ZNF385D: variants seen among roughly 807,000 people sequenced by gnomAD.
ZNF385D encodes zinc finger protein 385D.
A neutral mutation model predicts 35.8 loss-of-function variants in ZNF385D; 15 were observed. The observed-to-expected ratio is 0.42, with a 90% CI of 0.28 to 0.64. The LOEUF (loss-of-function observed/expected upper bound fraction) is 0.64, where lower values mean the gene tolerates loss of function less well. Among genes scored for constraint, ZNF385D ranks in the 30% least tolerant of loss-of-function variants. ZNF385D has a pLI of 0.23. For synonymous variants in ZNF385D, 212 were observed against 186.8 expected (o/e 1.13, Z -1.10); for missense variants, 474 against 494.6 (o/e 0.96, Z 0.39).
chr3:22,123,071 A>G (rs114074247), intron 3 of ZNF385D, among the ~76,000 whole-genome samples: 2,701 of 152,298 alleles, frequency 0.018, 66 homozygotes, highest in African/African-American at 0.061. Flanking sequence ...GAAGAATAGC[A>G]TCTGACATCT....
intron 2 of ZNF385D, among the ~76,000 whole-genome samples, chr3:22,317,281 A>C (rs4321546): frequency 0.011 from 200 of 18,472 alleles, 1 homozygote; most frequent in Admixed American, 0.016. Flanking sequence ...CTCCATCTCC[A>C]AAAAAAAAAA....
intron 3 of ZNF385D, among the ~76,000 whole-genome samples, chr3:21,815,862 GCAGAGA>G (rs765941791): frequency 9.9e-5 from 15 of 152,200 alleles, no homozygotes; most frequent in Middle Eastern, 3.4e-3. Flanking sequence ...CCAACGCCTG[GCAGAGA>G]CACAACAAAA....
intron 3 of ZNF385D, among the ~76,000 whole-genome samples, chr3:21,908,930 T>C (rs746950908): frequency 1.3e-5 from 2 of 152,122 alleles, no homozygotes; most frequent in Non-Finnish European, 1.5e-5. Flanking sequence ...GTGTTAGCTC[T>C]ATTTTACCTA....
At chr3:22,025,090 G>A (rs1163395899) in intron 3 of ZNF385D, among the ~76,000 whole-genome samples, 2 of 152,118 alleles carry the variant, frequency 1.3e-5, no homozygotes, top group African/African-American at 2.4e-5. Flanking sequence ...ACATGTGGGA[G>A]GACCCTGATG....
chr3:21,832,992 T>G (rs1054180732), intron 3 of ZNF385D, among the ~76,000 whole-genome samples: 1 of 152,196 alleles, frequency 6.6e-6, no homozygotes, highest in Non-Finnish European at 1.5e-5. Flanking sequence ...ACTATGCTCT[T>G]CACCCACAGC....
chr3:21,665,126 A>C (rs780259081), intron 1 of ZNF385D, 98 bp from the exon 2 acceptor site: 249 of 1,415,778 alleles, frequency 1.8e-4, no homozygotes, highest in Non-Finnish European at 2.1e-4. Context: ...TTTGTGGGTC[A>C]CTGGAAAAAA....
chr3:21,522,510 T>C (rs1226557534), intron 3 of ZNF385D, among the ~76,000 whole-genome samples: 1 of 152,140 alleles, frequency 6.6e-6, no homozygotes, highest in African/African-American at 2.4e-5. Context: ...CAGCTAATTA[T>C]TGTATTTTTA....
intron 4 of ZNF385D, among the ~76,000 whole-genome samples, chr3:21,461,044 G>C (rs935009103): frequency 1.6e-4 from 24 of 152,076 alleles, no homozygotes; most frequent in Non-Finnish European, 2.9e-5. Context: ...TGAGAGACTT[G>C]AATTAATTCA....
intron 1 of ZNF385D, among the ~76,000 whole-genome samples, chr3:21,688,666 A>G (rs2067185488): frequency 6.6e-6 from 1 of 152,200 alleles, no homozygotes; most frequent in African/African-American, 2.4e-5. Flanking sequence ...GAATTCTTCC[A>G]TAAACTATTG....
At chr3:21,709,744 G>C (rs2068033601) in intron 1 of ZNF385D, among the ~76,000 whole-genome samples, 1 of 152,136 alleles carries the variant, frequency 6.6e-6, no homozygotes, top group Non-Finnish European at 1.5e-5. Flanking sequence ...TAGTTTTCCA[G>C]TTTTGTATAA....
At chr3:21,689,921 T>G (rs758848952) in intron 1 of ZNF385D, among the ~76,000 whole-genome samples, 7 of 149,346 alleles carry the variant, frequency 4.7e-5, no homozygotes, top group Non-Finnish European at 1.0e-4. Flanking sequence ...TAGTTGCCAA[T>G]GAGAAATATA....
intron 1 of ZNF385D, among the ~76,000 whole-genome samples, chr3:21,694,145 G>A (rs2067388343): frequency 1.4e-5 from 2 of 147,708 alleles, no homozygotes; most frequent in South Asian, 4.3e-4. Flanking sequence ...CCGGGTTCAA[G>A]CCATTCTCCT....
intron 4 of ZNF385D, among the ~76,000 whole-genome samples, chr3:21,509,990 C>T (rs1305260175): frequency 6.6e-6 from 1 of 152,144 alleles, no homozygotes; most frequent in Non-Finnish European, 1.5e-5. Context: ...TCCAGAAGAT[C>T]CTCTTTCAGT....
intron 4 of ZNF385D, among the ~76,000 whole-genome samples, chr3:21,478,095 C>T (rs896218390): frequency 5.3e-5 from 8 of 151,940 alleles, no homozygotes; most frequent in African/African-American, 1.9e-4. Context: ...GAAAGTAGTG[C>T]AAAAATTCAA....
chr3:21,795,472 G>T (rs73142835), intron 3 of ZNF385D, among the ~76,000 whole-genome samples: 2 of 152,220 alleles, frequency 1.3e-5, no homozygotes, highest in Admixed American at 6.5e-5. Flanking sequence ...GAAAAGCTGG[G>T]TCTAAAAATA....
At chr3:22,129,727 G>A (rs956908202) in intron 3 of ZNF385D, among the ~76,000 whole-genome samples, 4 of 152,062 alleles carry the variant, frequency 2.6e-5, no homozygotes, top group African/African-American at 9.7e-5. Context: ...CAGGGTAACA[G>A]GCTTCCTTCT....
At chr3:21,686,678 T>TA (rs2067115824) in intron 1 of ZNF385D, among the ~76,000 whole-genome samples, 1 of 152,206 alleles carries the variant, frequency 6.6e-6, no homozygotes, top group Non-Finnish European at 1.5e-5. Flanking sequence ...CTGGACTAGC[T>TA]AATTTTAAGT....
intron 2 of ZNF385D, among the ~76,000 whole-genome samples, chr3:22,344,471 C>A (rs1695564616): frequency 6.6e-6 from 1 of 152,274 alleles, no homozygotes; most frequent in African/African-American, 2.4e-5. Flanking sequence ...CTCACAGCAG[C>A]CTTGACCTCC....
At chr3:21,462,850 C>T (rs1703263992) in intron 4 of ZNF385D, among the ~76,000 whole-genome samples, 1 of 152,046 alleles carries the variant, frequency 6.6e-6, no homozygotes, top group South Asian at 2.1e-4. Flanking sequence ...GGCATGGTGG[C>T]TCACACCTGT....
Sources: allele counts gnomAD v4.1 joint callset (sites outside exome capture counted in the v4.1 genomes callset), GRCh38; gene constraint gnomAD v4.1.1; transcripts MANE v1.5; gene names NCBI Gene and HGNC (gene_info 2026-07-23, HGNC 2026-07-21).